Variants in CTNNA3 observed in about 807,000 individuals in gnomAD.
The protein encoded by CTNNA3 is catenin alpha-3.
CTNNA3 carries 76 observed loss-of-function variants against 95.7 expected under a neutral mutation model. The observed-to-expected ratio is 0.79, with a 90% CI of 0.66 to 0.96. The LOEUF (loss-of-function observed/expected upper bound fraction) is 0.96, where lower values mean the gene tolerates loss of function less well. CTNNA3 is among the 40% of genes least tolerant of loss of function. CTNNA3 has a pLI of 0.00. For synonymous variants in CTNNA3, 431 were observed against 374.4 expected, an observed-to-expected ratio of 1.15 and a Z score of -1.74; for missense variants, 1,191 against 1,089.8, an observed-to-expected ratio of 1.09 and a Z score of -1.31.
intron 15 of CTNNA3, among the ~76,000 whole-genome samples, chr10:65,999,540 C>T (rs1589232482): frequency 6.6e-6 from 1 of 152,182 alleles, no homozygotes; most frequent in East Asian, 1.9e-4. Flanking sequence ...CACAATTATT[C>T]TCTTCCTCAT....
At chr10:66,427,452 T>C (rs927597002) in intron 11 of CTNNA3, among the ~76,000 whole-genome samples, 5 of 152,064 alleles carry the variant, frequency 3.3e-5, no homozygotes, top group African/African-American at 1.2e-4. Flanking sequence ...AGGGTCAGTA[T>C]CTGGGCACTT....
chr10:67,183,143 G>T (rs1862649904), intron 6 of CTNNA3, among the ~76,000 whole-genome samples: 1 of 152,122 alleles, frequency 6.6e-6, no homozygotes, highest in Non-Finnish European at 1.5e-5. Flanking sequence ...ATTCCTCAGG[G>T]ATCTAGAACT....
At chr10:67,683,205 C>T (rs1028504744) in intron 1 of CTNNA3, among the ~76,000 whole-genome samples, 14 of 152,152 alleles carry the variant, frequency 9.2e-5, no homozygotes, top group African/African-American at 3.4e-4. Flanking sequence ...CCCATGAAAA[C>T]ATGACCCATG....
intron 7 of CTNNA3, among the ~76,000 whole-genome samples, chr10:67,145,948 G>C (rs1407435507): frequency 1.3e-5 from 2 of 152,048 alleles, no homozygotes; most frequent in African/African-American, 4.8e-5. Flanking sequence ...CTTCAGAGAA[G>C]GTTTGCTAGG....
At chr10:67,255,917 C>G (rs1422238173) in intron 5 of CTNNA3, among the ~76,000 whole-genome samples, 1 of 151,976 alleles carries the variant, frequency 6.6e-6, no homozygotes, top group East Asian at 1.9e-4. Flanking sequence ...TGCAATACAC[C>G]ATGAGATTTT....
chr10:67,083,857 T>G (rs947171193), intron 7 of CTNNA3, among the ~76,000 whole-genome samples: 1 of 152,068 alleles, frequency 6.6e-6, no homozygotes, highest in Non-Finnish European at 1.5e-5. Flanking sequence ...ACATATTTTA[T>G]TAAAATGTAA....
chr10:66,824,834 C>T (rs1302715513), intron 7 of CTNNA3, among the ~76,000 whole-genome samples: 1 of 152,192 alleles, frequency 6.6e-6, no homozygotes, highest in East Asian at 1.9e-4. Flanking sequence ...ATAACGGGAT[C>T]CTGGGACAGA....
chr10:66,119,664 G>C (rs554069428), intron 13 of CTNNA3, among the ~76,000 whole-genome samples: 212 of 152,042 alleles, frequency 1.4e-3, no homozygotes, highest in Middle Eastern at 6.8e-3. Context: ...CTGAGTAAGG[G>C]GTAAATTCAG....
intron 16 of CTNNA3, among the ~76,000 whole-genome samples, chr10:65,967,123 A>AT (rs1165685554): frequency 6.6e-6 from 1 of 151,202 alleles, no homozygotes; most frequent in Non-Finnish European, 1.5e-5. Flanking sequence ...CACCTGGCTA[A>AT]TTTTTTGTAT....
At chr10:66,515,345 C>CTCTCTA (rs558913767) in intron 11 of CTNNA3, among the ~76,000 whole-genome samples, 2 of 148,894 alleles carry the variant, frequency 1.3e-5, no homozygotes, top group African/African-American at 2.5e-5. Context: ...CTCTCTCTCT[C>CTCTCTA]TATATATATA....
intron 7 of CTNNA3, among the ~76,000 whole-genome samples, chr10:67,119,637 A>G (rs1261884619): frequency 1.3e-5 from 2 of 151,942 alleles, no homozygotes; most frequent in Non-Finnish European, 2.9e-5. Context: ...ATCTTTTAGT[A>G]TCTATGGGTT....
intron 5 of CTNNA3, among the ~76,000 whole-genome samples, chr10:67,435,250 A>G (rs1017602237): frequency 6.6e-6 from 1 of 151,990 alleles, no homozygotes; most frequent in African/African-American, 2.4e-5. Context: ...CCACATTCAT[A>G]CTGTTCAGCA....
chr10:67,704,615 C>T (rs1307932344), intron 1 of CTNNA3, among the ~76,000 whole-genome samples: 2 of 152,124 alleles, frequency 1.3e-5, no homozygotes, highest in Admixed American at 6.6e-5. Flanking sequence ...ACACCTTATA[C>T]AAAAATTAAT....
chr10:66,940,669 T>A lies in CTNNA3; in HGVS notation c.1048-165145A>T, dbSNP rs116182373. On this transcript the variant is annotated intron_variant, in intron 7 of 17. Coordinates refer to ENST00000433211, the MANE Select transcript of CTNNA3 (RefSeq NM_013266.4). Reference sequence around the variant, plus strand: ...CATATAACTCCTTGAACTATGACTATCTCCTCACATTCAACTCAGTTTTAA... The same window carrying A: ...CATATAACTCCTTGAACTATGACTAACTCCTCACATTCAACTCAGTTTTAA... 6.6e-3 allele frequency among the ~76,000 whole-genome samples: 1,012 copies of A among 152,300 alleles called. 13 individuals carry two copies. The highest frequency in any genetic ancestry group is 0.023 in the African/African-American group (953 of 41,554).
chr10:66,386,672 C>T (rs1219499967), intron 11 of CTNNA3, among the ~76,000 whole-genome samples: 5 of 152,134 alleles, frequency 3.3e-5, no homozygotes, highest in Admixed American at 6.5e-5. Flanking sequence ...AAGCTGGAGG[C>T]ATCATGCTAC....
chr10:67,388,770 A>G (rs1844314968), intron 5 of CTNNA3, among the ~76,000 whole-genome samples: 1 of 152,156 alleles, frequency 6.6e-6, no homozygotes, highest in Non-Finnish European at 1.5e-5. Flanking sequence ...ATTCTTAAAG[A>G]AAAGAATTTT....
intron 12 of CTNNA3, among the ~76,000 whole-genome samples, chr10:66,294,913 A>AGAGAGAGAGAGAGGGG (rs58983331): frequency 1.1e-4 from 17 of 148,740 alleles, no homozygotes; most frequent in African/African-American, 4.2e-4. Context: ...AGAGAGAGAG[A>AGAGAGAGAGAGAGGGG]GGGATTTGGT....
At chr10:67,203,049 G>A (rs1863719277) in intron 6 of CTNNA3, among the ~76,000 whole-genome samples, 1 of 152,158 alleles carries the variant, frequency 6.6e-6, no homozygotes, top group Non-Finnish European at 1.5e-5. Context: ...ATACTCAGAA[G>A]CTTGTATCTC....
In CTNNA3 at chr10:66,092,073, A is replaced by G. The variant is rs189058463; in HGVS notation, c.1977+11084T>C. Among the ~76,000 whole-genome samples the G allele has an allele frequency of 5.1e-3, 768 of 151,900 alleles. 10 individuals are homozygous for G. The highest frequency in any genetic ancestry group is 0.018 in the African/African-American group (738 of 41,490). ...ATATAAATAGTAAGCCCATCTTCCC[A>G]GTTCTGAAGCCAAAACCTTGAGTTG... On this transcript the variant is annotated intron_variant, in intron 14 of 17. Coordinates refer to ENST00000433211, the MANE Select transcript of CTNNA3 (RefSeq NM_013266.4).
Sources: allele counts gnomAD v4.1 joint callset (sites outside exome capture counted in the v4.1 genomes callset), GRCh38; gene constraint gnomAD v4.1.1; transcripts MANE v1.5; gene names NCBI Gene and HGNC (gene_info 2026-07-23, HGNC 2026-07-21).